CDH18: variants seen among roughly 807,000 people sequenced by gnomAD.
CDH18 encodes cadherin 18, also known as cadherin-18.
CDH18 carries 31 observed loss-of-function variants against 67.9 expected under a neutral mutation model. That is an observed-to-expected ratio of 0.46 (90% CI 0.34 to 0.62). The LOEUF (loss-of-function observed/expected upper bound fraction) is 0.62. Ranked by LOEUF, CDH18 falls within the 20% of genes least tolerant of loss-of-function variation. The pLI, the probability that CDH18 is intolerant of heterozygous loss-of-function variation, is 0.01. For synonymous variants in CDH18, 362 were observed against 347.2 expected (o/e 1.04, Z -0.48); for missense variants, 890 against 975.5 (o/e 0.91, Z 1.17).
At chr5:20,532,872 G>A (rs1385589572) in intron 1 of CDH18, among the ~76,000 whole-genome samples, 1 of 150,668 alleles carries the variant, frequency 6.6e-6, no homozygotes, top group Non-Finnish European at 1.5e-5. Flanking sequence ...TTTGCTTTAT[G>A]TTAATATTGT....
chr5:19,722,379 A>G (rs1766222592), intron 4 of CDH18, among the ~76,000 whole-genome samples: 3 of 151,690 alleles, frequency 2.0e-5, no homozygotes, highest in African/African-American at 7.3e-5. Flanking sequence ...TTCAAATCTC[A>G]TTCCTTTAGT....
rs1561742349 is a variant in CDH18 at position 20,042,966 on chromosome 5, A to AATT, written c.-517-50953_-517-50952insAAT. Among the ~76,000 whole-genome samples the AATT allele has an allele frequency of 3.3e-5, 5 of 151,486 alleles. No individual in the cohort carries two copies. In the South Asian group the frequency reaches 1.0e-3, roughly 32 times the overall value. On this transcript the variant is annotated intron_variant, in intron 2 of 14. Coordinates refer to the CDH18 transcript ENST00000507958. The stretch of plus-strand genomic sequence containing the variant: ...GACAGAGCCAGACTCCGTCTCAAAA[A>AATT]AATTAATTAATTAATTAATTAATTA...
intron 2 of CDH18, among the ~76,000 whole-genome samples, chr5:20,242,367 C>A (rs1460437753): frequency 6.6e-6 from 1 of 151,090 alleles, no homozygotes; most frequent in Non-Finnish European, 1.5e-5. Context: ...CTCCCTTTTC[C>A]CTGTCCACTC....
At chr5:19,515,039 G>T (rs1745753325) in intron 10 of CDH18, among the ~76,000 whole-genome samples, 1 of 152,144 alleles carries the variant, frequency 6.6e-6, no homozygotes, top group African/African-American at 2.4e-5. Flanking sequence ...TGTAAGGAAG[G>T]GATCCAGTTT....
chr5:19,989,390 A>G (rs1192361654), upstream of CDH18, among the ~76,000 whole-genome samples: 1 of 152,242 alleles, frequency 6.6e-6, no homozygotes, highest in Non-Finnish European at 1.5e-5. Context: ...TAGGGTGTAC[A>G]AGCTCTAAAG....
At chr5:19,752,599 G>A (rs1007411625) in intron 3 of CDH18, among the ~76,000 whole-genome samples, 2 of 152,180 alleles carry the variant, frequency 1.3e-5, no homozygotes. Flanking sequence ...ACCCATCCTG[G>A]TAACTGAAGA....
chr5:20,207,465 G>C (rs562409004), intron 2 of CDH18, among the ~76,000 whole-genome samples: 1 of 152,138 alleles, frequency 6.6e-6, no homozygotes, highest in Non-Finnish European at 1.5e-5. Context: ...ATTTACAAAA[G>C]AAAGAGGTTT....
In CDH18 at chr5:20,209,903, C is replaced by T. The variant is rs183809235; in HGVS notation, c.-518+45541G>A. Among the ~76,000 whole-genome samples, 7 of 151,606 alleles carry T rather than the reference C, an allele frequency of 4.6e-5. No homozygotes were observed. In the East Asian group the frequency reaches 1.4e-3, roughly 29 times the overall value. On this transcript the variant is annotated intron_variant, in intron 2 of 14. Coordinates refer to the CDH18 transcript ENST00000507958. ...CCCAATTACCCTAATTTGATATTTA[C>T]ACATTATATGAATGTATCAGATTAT... is the stretch of plus-strand genomic sequence containing the variant.
At chr5:20,574,091 G>C (rs1178316567) in intron 1 of CDH18, among the ~76,000 whole-genome samples, 1 of 150,982 alleles carries the variant, frequency 6.6e-6, no homozygotes, top group African/African-American at 2.4e-5. Context: ...ATTCACTTCT[G>C]ATACGATTAT....
intron 3 of CDH18, among the ~76,000 whole-genome samples, chr5:19,786,547 C>T (rs1775793039): frequency 6.6e-6 from 1 of 152,014 alleles, no homozygotes; most frequent in South Asian, 2.1e-4. Flanking sequence ...CAATCAGCTT[C>T]CTTGAATATA....
At chr5:19,652,985 T>C (rs188840782) in intron 5 of CDH18, among the ~76,000 whole-genome samples, 1 of 152,246 alleles carries the variant, frequency 6.6e-6, no homozygotes, top group Admixed American at 6.5e-5. Context: ...CGACTTGGCT[T>C]CTAACCAGAA....
chr5:19,593,761 T>TCTTCTTCTTCTCC (rs1745714810), intron 6 of CDH18, among the ~76,000 whole-genome samples: 1 of 148,096 alleles, frequency 6.8e-6, no homozygotes, highest in African/African-American at 2.5e-5. Context: ...TTCTTCTTCT[T>TCTTCTTCTTCTCC]TCCTTTTATT....
At chr5:20,481,926 T>C (rs191009624) in intron 1 of CDH18, among the ~76,000 whole-genome samples, 185 of 150,700 alleles carry the variant, frequency 1.2e-3, no homozygotes, top group African/African-American at 4.2e-3. Context: ...AACCCAAAAT[T>C]AGTAGAAAAA....
Position 20,176,030 on chromosome 5 carries a change from A to T in CDH18, c.-518+79414T>A, listed in dbSNP as rs1224024995. On this transcript the variant is annotated intron_variant, in intron 2 of 14. Transcript: ENST00000507958. The stretch of plus-strand genomic sequence containing the variant: ...TATTACCTCAATTCCAGAGCAGTTT[A>T]AGAGGAAAAGCCTTCATCTTTTTCC... Among the ~76,000 whole-genome samples, 5 of 152,196 alleles carry T rather than the reference A, an allele frequency of 3.3e-5. No individual in the cohort carries two copies. In the East Asian group the frequency reaches 9.6e-4, roughly 29 times the overall value.
chr5:19,944,737 T>C (rs1252126378), intron 2 of CDH18, among the ~76,000 whole-genome samples: 1 of 152,168 alleles, frequency 6.6e-6, no homozygotes, highest in Non-Finnish European at 1.5e-5. Context: ...TGAGATGGTA[T>C]AGATTCACTT....
chr5:19,981,990 AAACAGATGGC>A (rs1799091312), intron 1 of CDH18, among the ~76,000 whole-genome samples: 1 of 152,188 alleles, frequency 6.6e-6, no homozygotes, highest in Admixed American at 6.5e-5. Flanking sequence ...CTTTCTTCCC[AAACAGATGGC>A]AACCTCCATG....
chr5:19,488,483 A>G (rs1199849979), intron 11 of CDH18, among the ~76,000 whole-genome samples: 1 of 152,202 alleles, frequency 6.6e-6, no homozygotes, highest in Non-Finnish European at 1.5e-5. Flanking sequence ...TTTAATGTGT[A>G]TGAAGAGAAA....
intron 2 of CDH18, among the ~76,000 whole-genome samples, chr5:20,221,692 T>C (rs1741239187): frequency 6.6e-6 from 1 of 152,132 alleles, no homozygotes; most frequent in African/African-American, 2.4e-5. Context: ...ATGTGATTAT[T>C]AGGCATTATA....
chr5:19,512,676 A>ATTGTCACGG (rs1453496015), intron 10 of CDH18, among the ~76,000 whole-genome samples: 1 of 152,166 alleles, frequency 6.6e-6, no homozygotes, highest in African/African-American at 2.4e-5. Context: ...GTATAGCAGC[A>ATTGTCACGG]TTGTCACGGT....
Sources: allele counts gnomAD v4.1 joint callset (sites outside exome capture counted in the v4.1 genomes callset), GRCh38; gene constraint gnomAD v4.1.1; transcripts MANE v1.5; gene names NCBI Gene and HGNC (gene_info 2026-07-23, HGNC 2026-07-21).